Variants in DMD observed in about 807,000 individuals in gnomAD.
The protein encoded by DMD is mutant dystrophin.
Under a neutral mutation model 330.1 loss-of-function variants are expected in DMD, and 63 were observed. That is an observed-to-expected ratio of 0.19 (90% CI 0.16 to 0.24). DMD has a LOEUF of 0.24. DMD is among the 10% of genes least tolerant of loss of function. DMD has a pLI of 1.00. For synonymous variants in DMD, 1,223 were observed against 959.8 expected, an observed-to-expected ratio of 1.27 and a Z score of -5.07; for missense variants, 3,344 against 2,684.1, an observed-to-expected ratio of 1.25 and a Z score of -5.43.
intron 4 of DMD, among the ~76,000 whole-genome samples, chrX:32,837,649 C>T (rs371076085): frequency 9.8e-4 from 110 of 111,887 alleles, no homozygotes; most frequent in African/African-American, 3.2e-3. Context: ...TTTCTGTATG[C>T]CACGTGTTTA....
At chrX:32,044,209 C>T (rs1316079240) in intron 44 of DMD, among the ~76,000 whole-genome samples, 3 of 110,728 alleles carry the variant, frequency 2.7e-5, no homozygotes, top group African/African-American at 9.9e-5. Context: ...CTAATCAAAT[C>T]ATCACTGAGG....
At chrX:32,156,272 C>T (rs1434569565) in intron 44 of DMD, among the ~76,000 whole-genome samples, 3 of 111,453 alleles carry the variant, frequency 2.7e-5, no homozygotes, top group Admixed American at 9.5e-5. Flanking sequence ...CTCAGCTACT[C>T]GGGAGGCTGA....
At chrX:32,802,133 A>C (rs1375690353) in intron 7 of DMD, among the ~76,000 whole-genome samples, 18 of 111,636 alleles carry the variant, frequency 1.6e-4, no homozygotes, top group Non-Finnish European at 1.9e-5. Context: ...GATTCTTCCT[A>C]TCCATAAGCA....
chrX:33,108,076 T>G (rs2095306833), intron 1 of DMD, among the ~76,000 whole-genome samples: 1 of 111,684 alleles, frequency 9.0e-6, no homozygotes, highest in African/African-American at 3.3e-5. Context: ...AAACTAATGT[T>G]TCCATTAACT....
intron 23 of DMD, among the ~76,000 whole-genome samples, chrX:32,465,567 TTTTG>T (rs1276905077): frequency 1.3e-4 from 8 of 63,588 alleles, no homozygotes; most frequent in African/African-American, 4.3e-4. Context: ...GTCTTTTTTT[TTTTG>T]TTTGTTTTTT....
intron 47 of DMD, among the ~76,000 whole-genome samples, chrX:31,879,448 G>T (rs957484699): frequency 9.0e-6 from 1 of 110,964 alleles, no homozygotes; most frequent in African/African-American, 3.3e-5. Flanking sequence ...GATTTGGGTG[G>T]GGACACAGCC....
At chrX:32,445,730 G>A (rs2098300779) in intron 27 of DMD, among the ~76,000 whole-genome samples, 1 of 110,441 alleles carries the variant, frequency 9.1e-6, no homozygotes, top group Admixed American at 9.7e-5. Context: ...CAAACAGATG[G>A]TATCTGTTTA....
intron 44 of DMD, among the ~76,000 whole-genome samples, chrX:32,072,922 G>A (rs2096312001): frequency 8.9e-6 from 1 of 111,786 alleles, no homozygotes; most frequent in African/African-American, 3.3e-5. Flanking sequence ...AGCCTGCGAT[G>A]CAGGCAGGGC....
At position 31,627,726 on chromosome X, in the gene DMD, C is replaced by T. The variant is rs1452352386; in HGVS notation, c.8164G>A (p.Glu2722Lys). The T allele has an allele frequency of 8.3e-7, 1 of 1,211,383 alleles. No homozygotes were observed. Among genetic ancestry groups the T allele is most frequent in the South Asian group, 1.8e-5 (1 of 56,962 alleles). The change falls in exon 55 of 79, where the codon GAA (glutamate) becomes AAA (lysine). Residue 2722 changes from glutamate (E) to lysine (K), a missense_variant. Transcript: ENST00000357033. ...CCCTTGGAGTCTTCTAGGAGCCTTT[C>T]CTTACGGGTAGCATCCTGTAGGACA... ...ANVLQDATRK[E>K]RLLEDSKGVK...
At position 31,494,970 on chromosome X, in the gene DMD, T is replaced by C. The variant is rs540944129; in HGVS notation, c.8547+1818A>G. On this transcript the variant is annotated intron_variant, in intron 57 of 78. Transcript: ENST00000357033. ...TAATGCATTTTTTAAAAAAGGCCCATCCTTCTCAATGAGTGCTTTTCTATA... is the reference window on the plus strand; with the variant it reads ...TAATGCATTTTTTAAAAAAGGCCCACCCTTCTCAATGAGTGCTTTTCTATA... Among the ~76,000 whole-genome samples the C allele has an allele frequency of 1.1e-4, 12 of 111,992 alleles. No homozygotes were observed. In the South Asian group the frequency reaches 4.5e-3, roughly 42 times the overall value.
intron 22 of DMD, 98 bp from the exon 23 acceptor site, chrX:32,468,808 A>G: frequency 1.4e-6 from 1 of 692,882 alleles, no homozygotes; most frequent in Non-Finnish European, 2.2e-6. Context: ...TATGATTCAA[A>G]CATGTAAACA....
chrX:32,023,983 A>T (rs767451473), intron 44 of DMD, among the ~76,000 whole-genome samples: 1 of 111,649 alleles, frequency 9.0e-6, no homozygotes, highest in Non-Finnish European at 1.9e-5. Flanking sequence ...ACTAGTGGTT[A>T]CCATGCTCGC....
chrX:31,684,856 G>C (rs113645877), intron 52 of DMD, among the ~76,000 whole-genome samples: 5,896 of 111,760 alleles, frequency 0.053, 390 homozygotes, highest in African/African-American at 0.18. Flanking sequence ...CATTTTGTCT[G>C]AGTAAGTCTA....
intron 44 of DMD, among the ~76,000 whole-genome samples, chrX:32,011,272 C>T (rs1349638031): frequency 8.9e-6 from 1 of 112,133 alleles, no homozygotes; most frequent in Non-Finnish European, 1.9e-5. Flanking sequence ...ACCTACAGGG[C>T]CACCCAGAAT....
At chrX:31,965,936 C>A (rs1460471474) in intron 45 of DMD, among the ~76,000 whole-genome samples, 1 of 111,308 alleles carries the variant, frequency 9.0e-6, no homozygotes, top group Non-Finnish European at 1.9e-5. Flanking sequence ...ATTTTTTTTC[C>A]TATTTCTAAT....
At chrX:32,006,780 C>T (rs866083820) in intron 44 of DMD, among the ~76,000 whole-genome samples, 13 of 109,541 alleles carry the variant, frequency 1.2e-4, no homozygotes, top group African/African-American at 3.3e-4. Context: ...TGTCCTTTTG[C>T]GGCACTATTC....
rs386416860 is a variant in DMD at position 32,819,025 on chromosome X, T to TTTTC, written c.358-2386_358-2385insGAAA. Among the ~76,000 whole-genome samples the TTTTC allele has an allele frequency of 5.1e-4, 53 of 104,895 alleles. 1 individual carries two copies. In the East Asian group the frequency reaches 0.015, roughly 29 times the overall value. 91.1% of individuals were successfully genotyped at this position (104,895 alleles called of 115,157 possible). The stretch of plus-strand genomic sequence containing the variant: ...CAGGTGTTTTTTTTTTTTTTTTTTT[T>TTTTC]TCCAGGGCATGGCTTAATAAACATG... On this transcript the variant is annotated intron_variant, in intron 5 of 78. Coordinates refer to ENST00000357033, the MANE Select transcript of DMD (RefSeq NM_004006.3).
intron 12 of DMD, among the ~76,000 whole-genome samples, chrX:32,601,412 G>T (rs1276953917): frequency 9.0e-6 from 1 of 111,385 alleles, no homozygotes; most frequent in East Asian, 2.8e-4. Flanking sequence ...TTATGTTTCT[G>T]CCAACTCCTA....
intron 6 of DMD, among the ~76,000 whole-genome samples, chrX:32,810,545 G>T (rs192838311): frequency 1.8e-5 from 2 of 111,654 alleles, no homozygotes; most frequent in Admixed American, 9.5e-5. Flanking sequence ...AAAACCCTTG[G>T]AGTCATCCTT....
Sources: gnomAD v4.1 joint callset for allele counts (sites outside exome capture counted in the v4.1 genomes callset) on GRCh38, gnomAD v4.1.1 for gene constraint, MANE v1.5 for transcripts, NCBI Gene and HGNC (gene_info 2026-07-23, HGNC 2026-07-21) for gene names.